MCM3AP: variants seen among roughly 807,000 people sequenced by gnomAD.
MCM3AP encodes minichromosome maintenance complex component 3 associated protein, also known as germinal-center associated nuclear protein.
In MCM3AP, 126 loss-of-function variants were observed where a neutral mutation model predicts 184.1. The observed-to-expected ratio is 0.68, with a 90% CI of 0.59 to 0.79. The LOEUF (loss-of-function observed/expected upper bound fraction) is 0.79. Among genes scored for constraint, MCM3AP ranks in the 30% least tolerant of loss-of-function variants. The pLI is 0.00. For synonymous variants in MCM3AP, 1,002 were observed against 979.3 expected, an observed-to-expected ratio of 1.02 and a Z score of -0.43; for missense variants, 2,496 against 2,479.2, an observed-to-expected ratio of 1.01 and a Z score of -0.14.
chr21:46,267,615 G>A (rs1333936430), intron 9 of MCM3AP: 2 of 154,982 alleles, frequency 1.3e-5, no homozygotes, highest in Non-Finnish European at 2.9e-5. Flanking sequence ...CAGAGACCAG[G>A]TGCAGTAGCT....
At chr21:46,270,350 C>A (rs1217723594) in intron 9 of MCM3AP, 51 bp downstream of exon 9, 3 of 1,552,202 alleles carry the variant, frequency 1.9e-6, no homozygotes, top group Admixed American at 1.9e-5. Context: ...CCAAACAGCA[C>A]AAGAACCACC....
chr21:46,246,502 C>T, intron 21 of MCM3AP, 98 bp from the exon 22 acceptor site: 1 of 1,418,496 alleles, frequency 7.0e-7, no homozygotes, highest in South Asian at 1.2e-5. Flanking sequence ...CTGCAGTGGA[C>T]AGTCACCACA....
Position 46,245,129 on chromosome 21 carries a change from G to A in MCM3AP, c.4716C>T (p.Leu1572=). Residue 1572 remains leucine, a synonymous_variant, in exon 23 of 28, where the codon CTC becomes CTT. Coordinates refer to ENST00000291688, the MANE Select transcript of MCM3AP (RefSeq NM_003906.5). The part of the protein sequence containing the change: ...PHSLDLCCQT[L]IQYVEDGIGH... ...CAATCCCGTCTTCGACGTACTGAAT[G>A]AGAGTCTGGCAGCAGAGGTCAAGGG... is the stretch of plus-strand genomic sequence containing the variant. 1 of 1,614,228 alleles carries A rather than the reference G, an allele frequency of 6.2e-7. No homozygotes were observed. The highest frequency in any genetic ancestry group is 8.5e-7 in the Non-Finnish European group (1 of 1,180,024).
Position 46,277,452 on chromosome 21 carries a change from G to A in MCM3AP, c.1858+75C>T, listed in dbSNP as rs2081270048. The A allele has an allele frequency of 3.3e-6, 4 of 1,207,230 alleles. No individual in the cohort carries two copies. The Admixed American group carries it at 1.1e-4, about 32-fold the overall frequency. The allele number at this position is 1,207,230 out of a possible 1,614,324, so 74.8% of individuals were successfully genotyped here. On this transcript the variant is annotated intron_variant, in intron 5 of 27. Coordinates refer to ENST00000291688, the MANE Select transcript of MCM3AP (RefSeq NM_003906.5). ...CAGCAATAGAGCCCAATGGAAAGGAGTTGCTCCTGCCCTGATGGCACCCAA... is the reference window on the plus strand; with the variant it reads ...CAGCAATAGAGCCCAATGGAAAGGAATTGCTCCTGCCCTGATGGCACCCAA...
chr21:46,282,321 C>T (rs1377038755), intron 2 of MCM3AP, among the ~76,000 whole-genome samples: 1 of 152,124 alleles, frequency 6.6e-6, no homozygotes, highest in African/African-American at 2.4e-5. Flanking sequence ...AAACAACCCG[C>T]GTCTGCCAAC....
At chr21:46,279,447 C>G (rs1030043554) in intron 4 of MCM3AP, among the ~76,000 whole-genome samples, 1 of 152,256 alleles carries the variant, frequency 6.6e-6, no homozygotes, top group African/African-American at 2.4e-5. Flanking sequence ...TCCTGTGAGG[C>G]AGGCAGCGAC....
chr21:46,281,642 T>A (rs912357771), intron 2 of MCM3AP, among the ~76,000 whole-genome samples: 2 of 151,918 alleles, frequency 1.3e-5, no homozygotes, highest in Admixed American at 1.3e-4. Flanking sequence ...GGCCACATAG[T>A]GAAACTTCAT....
intron 3 of MCM3AP, 57 bp from the exon 4 acceptor site, chr21:46,280,194 A>AT (rs1189228803): frequency 1.3e-6 from 2 of 1,540,146 alleles, no homozygotes; most frequent in Non-Finnish European, 1.8e-6. Context: ...CTGGAACTGG[A>AT]TTTTTTCACT....
chr21:46,241,074 A>G lies in MCM3AP; in HGVS notation c.5427-57T>C, dbSNP rs186728947. On this transcript the variant is annotated intron_variant, in intron 25 of 27. Transcript: ENST00000291688. The stretch of plus-strand genomic sequence containing the variant: ...CAAGAGAAAATATTTCTACAGCATC[A>G]TGTAAAGCATGTAGATACATTTGCA... The G allele has an allele frequency of 9.2e-4, 1,129 of 1,223,322 alleles. 11 individuals carry two copies. The highest frequency in any genetic ancestry group is 3.5e-4 in the Non-Finnish European group (295 of 842,722). The allele number at this position is 1,223,322 out of a possible 1,614,324, so 75.8% of individuals were successfully genotyped here. A position where few individuals can be genotyped will look rare whatever the true frequency, so the allele number is the denominator to read the frequency against.
At chr21:46,250,415 C>A (rs532015827) in intron 20 of MCM3AP, 1 of 152,270 alleles carries the variant, frequency 6.6e-6, no homozygotes, top group African/African-American at 2.4e-5. Context: ...TCTCCTGCCC[C>A]GTGAGCTGGG....
chr21:46,266,940 A>T (rs779254576), intron 10 of MCM3AP, 42 bp downstream of exon 10: 8 of 1,607,108 alleles, frequency 5.0e-6, no homozygotes, highest in Admixed American at 1.7e-5. Context: ...TTAACAAGAA[A>T]AAAGGAGACA....
intron 25 of MCM3AP, chr21:46,242,388 A>C (rs2080682834): frequency 6.6e-6 from 1 of 151,722 alleles, no homozygotes; most frequent in Non-Finnish European, 1.5e-5. Flanking sequence ...GAACAGGTAT[A>C]AATTTTAAGA....
chr21:46,251,738 T>C lies in MCM3AP; in HGVS notation c.4137-56A>G, dbSNP rs183946354. 4.1e-4 allele frequency: 445 copies of C among 1,093,630 alleles called. 1 individual carries two copies. Among genetic ancestry groups the C allele is most frequent in the Non-Finnish European group, 8.2e-5 (62 of 756,582 alleles). The allele number at this position is 1,093,630 out of a possible 1,614,324, so 67.7% of individuals were successfully genotyped here. A position where few individuals can be genotyped will look rare whatever the true frequency, so the allele number is the denominator to read the frequency against. On this transcript the variant is annotated intron_variant, in intron 19 of 27. Transcript: ENST00000291688. ...AAAACACTTGAAGAATCTAATTCTA[T>C]ATTTGAATTATAAAGACTTTCAGGA... is the stretch of plus-strand genomic sequence containing the variant.
chr21:46,277,800 T>C, intron 4 of MCM3AP, 83 bp from the exon 5 acceptor site: 1 of 764,848 alleles, frequency 1.3e-6, no homozygotes. Flanking sequence ...TCCCCTCATC[T>C]TTCAAGATTT....
intron 19 of MCM3AP, 191 bp from the exon 20 acceptor site, chr21:46,251,873 T>C (rs1459987351): frequency 1.6e-5 from 6 of 372,532 alleles, no homozygotes; most frequent in Non-Finnish European, 2.9e-5. Flanking sequence ...CAACGATCTG[T>C]ACTCGTTCTT....
chr21:46,265,676 ACGCTTTG>A (rs1298521501), intron 11 of MCM3AP, among the ~76,000 whole-genome samples, 153 bp from the exon 12 acceptor site: 1 of 152,122 alleles, frequency 6.6e-6, no homozygotes, highest in Non-Finnish European at 1.5e-5. Flanking sequence ...GGGACAACAT[ACGCTTTG>A]CATGAAAAAC....
rs551940791 is a variant in MCM3AP, at chr21:46,254,404, T to G, written c.4124A>C (p.Glu1375Ala). The G allele has an allele frequency of 6.2e-7, 1 of 1,613,982 alleles. No homozygotes were observed. The highest frequency in any genetic ancestry group is 8.5e-7 in the Non-Finnish European group (1 of 1,180,046). Residue 1375 changes from glutamate (E) to alanine (A), a missense_variant, in exon 19 of 28, where the codon GAG becomes GCG. This residue lies in a region of MCM3AP where 1,323 missense variants were observed against 1,273.4 expected (regional missense o/e 1.04). Coordinates refer to ENST00000291688, the MANE Select transcript of MCM3AP (RefSeq NM_003906.5). ...AACCCTTCCTGACCTGCCACAACTC[T>G]CTGGGGACTGCTCCTCTACATCCGG... ...VLPDVEEQSP[E>A]SCGRILANWL...
chr21:46,285,033 G>A lies in MCM3AP; in HGVS notation c.254C>T (p.Ser85Phe), dbSNP rs1202309999. 6.2e-7 allele frequency: 1 copy of A among 1,614,216 alleles called. No homozygotes were observed. The highest frequency in any genetic ancestry group is 1.7e-5 in the Admixed American group (1 of 60,032). The change falls in exon 1 of 28, where the codon TCT becomes TTT. Residue 85 changes from serine to phenylalanine, a missense_variant. By Grantham distance (155) the Ser-to-Phe change is radical. Around this residue, in one of 5 missense-constraint regions of MCM3AP, gnomAD observed 800 missense variants for 717.1 expected, o/e 1.12. Transcript: ENST00000291688. ...AAAGGTGGAAGTGTGCTCAAGTCCA[G>A]AAAAGGGTCCAACACTTGAGGTTTG... ...FTQTSSVGPF[S>F]GLEHTSTFVA...
At chr21:46,267,808 G>A (rs1025492595) in intron 9 of MCM3AP, 1 of 152,312 alleles carries the variant, frequency 6.6e-6, no homozygotes, top group Admixed American at 6.6e-5. Flanking sequence ...AAAGTGGGAG[G>A]ACTGCTTGAG....
Sources: allele counts gnomAD v4.1 joint callset (sites outside exome capture counted in the v4.1 genomes callset), GRCh38; gene constraint gnomAD v4.1.1; regional missense constraint gnomAD v4.1.1; transcripts MANE v1.5; gene names NCBI Gene and HGNC (gene_info 2026-07-23, HGNC 2026-07-21).